Variants in MAP2 observed in about 807,000 individuals in gnomAD.
MAP2 encodes microtubule associated protein 2, also known as microtubule-associated protein 2.
A neutral mutation model predicts 137.6 loss-of-function variants in MAP2; 14 were observed. The ratio of observed to expected loss-of-function variants is 0.10; its 90% CI spans 0.07 to 0.16. MAP2 has a LOEUF of 0.16. Ranked by LOEUF, MAP2 falls within the 10% of genes least tolerant of loss-of-function variation. The pLI, the probability that MAP2 is intolerant of heterozygous loss-of-function variation, is 1.00. For missense variants in MAP2, 2,088 were observed against 2,191.5 expected, an observed-to-expected ratio of 0.95 and a Z score of 0.94; for synonymous variants, 786 against 782.3, an observed-to-expected ratio of 1.00 and a Z score of -0.08.
chr2:209,567,987 T>C (rs1031289865), intron 2 of MAP2, among the ~76,000 whole-genome samples: 34 of 152,060 alleles, frequency 2.2e-4, no homozygotes, highest in African/African-American at 7.0e-4. Flanking sequence ...ATTCTTTGGT[T>C]CCAATCAATA....
At chr2:209,469,937 A>G (rs1201985117) in intron 1 of MAP2, among the ~76,000 whole-genome samples, 1 of 152,202 alleles carries the variant, frequency 6.6e-6, no homozygotes, top group Non-Finnish European at 1.5e-5. Context: ...CTCACTGGCC[A>G]GTATTGACTG....
intron 2 of MAP2, among the ~76,000 whole-genome samples, chr2:209,568,353 C>T (rs946997819): frequency 6.6e-6 from 1 of 151,760 alleles, no homozygotes; most frequent in Non-Finnish European, 1.5e-5. Context: ...TTTATTAAAC[C>T]ATCAAAGTAG....
chr2:209,672,995 C>T (rs911918062), intron 5 of MAP2, among the ~76,000 whole-genome samples: 1 of 151,638 alleles, frequency 6.6e-6, no homozygotes, highest in Non-Finnish European at 1.5e-5. Context: ...TATTTGTTTC[C>T]AGAGGACTGC....
In MAP2 at chr2:209,615,304, G is replaced by A. The variant is rs536064802; in HGVS notation, c.-106-9749G>A. Among the ~76,000 whole-genome samples, 38 of 152,214 alleles carry A rather than the reference G, an allele frequency of 2.5e-4. 1 individual carries two copies. Among genetic ancestry groups the A allele is most frequent in the African/African-American group, 8.4e-4 (35 of 41,534 alleles). ...TCAAGGCTATTAGTGAGTGAAATGCGTTCTTTCTCTGCCACAATCCTTCTC... is the reference window on the plus strand; with the variant it reads ...TCAAGGCTATTAGTGAGTGAAATGCATTCTTTCTCTGCCACAATCCTTCTC... On this transcript the variant is annotated intron_variant, in intron 3 of 15. Transcript: ENST00000682079.
chr2:209,640,763 A>T (rs1205276500), intron 4 of MAP2, among the ~76,000 whole-genome samples: 1 of 152,052 alleles, frequency 6.6e-6, no homozygotes, highest in Non-Finnish European at 1.5e-5. Context: ...ATTCTCCAGG[A>T]CTTTATTCTT....
chr2:209,505,150 C>T (rs894099342), intron 1 of MAP2, among the ~76,000 whole-genome samples: 13 of 152,016 alleles, frequency 8.6e-5, no homozygotes, highest in Admixed American at 4.6e-4. Flanking sequence ...CTGTGCTTAA[C>T]GGGAATGTTC....
At chr2:209,668,382 A>T (rs2047274188) in intron 5 of MAP2, among the ~76,000 whole-genome samples, 2 of 152,054 alleles carry the variant, frequency 1.3e-5, no homozygotes, top group African/African-American at 4.8e-5. Context: ...TATTTTCTAA[A>T]GATTTGTATG....
At chr2:209,497,712 C>A (rs969990609) in intron 1 of MAP2, among the ~76,000 whole-genome samples, 2 of 151,972 alleles carry the variant, frequency 1.3e-5, no homozygotes, top group Non-Finnish European at 2.9e-5. Flanking sequence ...ATGGAGAGAA[C>A]AAGAGAGAAA....
At chr2:209,424,621 A>G (rs1692022016) in intron 1 of MAP2, among the ~76,000 whole-genome samples, 1 of 152,224 alleles carries the variant, frequency 6.6e-6, no homozygotes, top group Non-Finnish European at 1.5e-5. Context: ...CGCTGTGGAA[A>G]GAAGGGGAGT....
chr2:209,450,151 A>G (rs570084799), intron 1 of MAP2, among the ~76,000 whole-genome samples: 11 of 152,282 alleles, frequency 7.2e-5, no homozygotes, highest in African/African-American at 2.6e-4. Context: ...CATGTTGCCC[A>G]GGCTGGTCTT....
chr2:209,722,907 A>G (rs748079651), intron 13 of MAP2, among the ~76,000 whole-genome samples: 66 of 152,344 alleles, frequency 4.3e-4, no homozygotes, highest in Non-Finnish European at 8.5e-4. Context: ...AAAAATGGAA[A>G]TAATGCTTCC....
intron 3 of MAP2, among the ~76,000 whole-genome samples, chr2:209,593,634 A>AAAAAAAAAATAT (rs1286103137): frequency 3.9e-4 from 13 of 33,640 alleles, no homozygotes; most frequent in Non-Finnish European, 4.9e-4. Flanking sequence ...AAAAAAAAAA[A>AAAAAAAAAATAT]ATATATATAT....
At chr2:209,609,799 C>T (rs1020141781) in intron 3 of MAP2, among the ~76,000 whole-genome samples, 1 of 152,126 alleles carries the variant, frequency 6.6e-6, no homozygotes, top group Non-Finnish European at 1.5e-5. Flanking sequence ...CAGTATCCTC[C>T]TTTAATACAT....
chr2:209,650,626 A>T (rs969680824), intron 4 of MAP2, among the ~76,000 whole-genome samples: 3 of 152,212 alleles, frequency 2.0e-5, no homozygotes, highest in Non-Finnish European at 4.4e-5. Context: ...AACGAAAGAC[A>T]TTAGGTAAGA....
At chr2:209,689,768 A>G (rs2058294224) in intron 7 of MAP2, among the ~76,000 whole-genome samples, 1 of 152,208 alleles carries the variant, frequency 6.6e-6, no homozygotes, top group South Asian at 2.1e-4. Flanking sequence ...AGAATTATAC[A>G]TGAACTACAT....
intron 3 of MAP2, among the ~76,000 whole-genome samples, chr2:209,603,972 C>T (rs1464070939): frequency 6.6e-6 from 1 of 152,036 alleles, no homozygotes; most frequent in Non-Finnish European, 1.5e-5. Flanking sequence ...ATTGCAAATT[C>T]TAGTTAGCTG....
intron 4 of MAP2, among the ~76,000 whole-genome samples, chr2:209,629,906 T>C (rs1275920845): frequency 6.6e-6 from 1 of 152,144 alleles, no homozygotes; most frequent in Non-Finnish European, 1.5e-5. Context: ...TCTGGGCAGA[T>C]TGTTTGGGCT....
chr2:209,592,666 A>C (rs1415118817), intron 3 of MAP2, among the ~76,000 whole-genome samples: 1 of 152,168 alleles, frequency 6.6e-6, no homozygotes, highest in Non-Finnish European at 1.5e-5. Context: ...TCAGGTTCTC[A>C]TTCTTTTGTG....
intron 1 of MAP2, among the ~76,000 whole-genome samples, chr2:209,453,423 A>G (rs1700753331): frequency 6.6e-6 from 1 of 152,232 alleles, no homozygotes; most frequent in Non-Finnish European, 1.5e-5. Context: ...GAAATAAAAT[A>G]TCAGATTCTA....
Sources: allele counts gnomAD v4.1 joint callset (sites outside exome capture counted in the v4.1 genomes callset), GRCh38; gene constraint gnomAD v4.1.1; transcripts MANE v1.5; gene names NCBI Gene and HGNC (gene_info 2026-07-23, HGNC 2026-07-21).